Variants in SSBP2 observed in about 807,000 individuals in gnomAD.
The protein encoded by SSBP2 is single stranded DNA binding protein 2, also known as single-stranded DNA-binding protein 2.
A neutral mutation model predicts 61.8 loss-of-function variants in SSBP2; 17 were observed. That is an observed-to-expected ratio of 0.28 (90% CI 0.19 to 0.41). SSBP2 has a LOEUF of 0.41. SSBP2 is among the 10% of genes least tolerant of loss of function. The pLI, the probability that SSBP2 is intolerant of heterozygous loss-of-function variation, is 1.00. For missense variants in SSBP2, 310 were observed against 458.7 expected (o/e 0.68, Z 2.96); for synonymous variants, 139 against 141.3 (o/e 0.98, Z 0.12).
intron 1 of SSBP2, among the ~76,000 whole-genome samples, chr5:81,664,007 T>C (rs1750909067): frequency 1.3e-5 from 2 of 152,172 alleles, no homozygotes; most frequent in Non-Finnish European, 2.9e-5. Flanking sequence ...GACAGTAAAA[T>C]AACAGCTTCC....
At chr5:81,639,700 C>G (rs1748601353) in intron 2 of SSBP2, among the ~76,000 whole-genome samples, 1 of 151,474 alleles carries the variant, frequency 6.6e-6, no homozygotes, top group African/African-American at 2.4e-5. Flanking sequence ...GTAACAATAC[C>G]CCAATCAGTA....
intron 4 of SSBP2, among the ~76,000 whole-genome samples, chr5:81,524,956 G>A (rs1194315785): frequency 1.3e-5 from 2 of 151,456 alleles, no homozygotes; most frequent in African/African-American, 4.8e-5. Context: ...AGTTCCTATG[G>A]CAGGGAAAAT....
chr5:81,728,655 A>G (rs1756052892), intron 1 of SSBP2, among the ~76,000 whole-genome samples: 1 of 152,246 alleles, frequency 6.6e-6, no homozygotes, highest in Non-Finnish European at 1.5e-5. Flanking sequence ...AGCTGTCAAC[A>G]TCGAGAATGT....
At chr5:81,636,651 A>G in intron 2 of SSBP2, 33 bp from the exon 3 acceptor site, 6 of 1,507,316 alleles carry the variant, frequency 4.0e-6, no homozygotes, top group Non-Finnish European at 5.5e-6. Context: ...TACTTTCCTA[A>G]TAATACTTTT....
At chr5:81,652,477 G>A (rs1187277616) in intron 1 of SSBP2, among the ~76,000 whole-genome samples, 1 of 152,148 alleles carries the variant, frequency 6.6e-6, no homozygotes, top group Non-Finnish European at 1.5e-5. Flanking sequence ...AGATTCTGAA[G>A]TATCTTCTAA....
chr5:81,704,911 G>T (rs1213291428), intron 1 of SSBP2, among the ~76,000 whole-genome samples: 1 of 150,028 alleles, frequency 6.7e-6, no homozygotes, highest in African/African-American at 2.5e-5. Context: ...TATTTAACGT[G>T]TTAATCTATA....
At chr5:81,594,158 A>C (rs1034453186) in intron 4 of SSBP2, among the ~76,000 whole-genome samples, 2 of 152,226 alleles carry the variant, frequency 1.3e-5, no homozygotes, top group East Asian at 1.9e-4. Flanking sequence ...TCTACCAAGC[A>C]AATGGAAAAC....
chr5:81,704,272 A>C (rs1294350408), intron 1 of SSBP2, among the ~76,000 whole-genome samples: 1 of 152,150 alleles, frequency 6.6e-6, no homozygotes, highest in Non-Finnish European at 1.5e-5. Flanking sequence ...TAAAAACTCT[A>C]ATCTCACATA....
intron 5 of SSBP2, among the ~76,000 whole-genome samples, chr5:81,491,090 T>C (rs1441940123): frequency 6.6e-6 from 1 of 152,226 alleles, no homozygotes; most frequent in Non-Finnish European, 1.5e-5. Flanking sequence ...ATAAATCACC[T>C]AATTTCACCT....
intron 4 of SSBP2, among the ~76,000 whole-genome samples, chr5:81,593,339 T>C (rs968921018): frequency 6.6e-6 from 1 of 152,120 alleles, no homozygotes; most frequent in Non-Finnish European, 1.5e-5. Flanking sequence ...TATGGGACTA[T>C]GTGAAAAGAC....
intron 4 of SSBP2, among the ~76,000 whole-genome samples, chr5:81,591,901 G>C (rs1284698943): frequency 2.0e-5 from 3 of 152,232 alleles, no homozygotes; most frequent in Non-Finnish European, 4.4e-5. Context: ...ATAGCTCCCA[G>C]TGTGAGCGAC....
intron 1 of SSBP2, among the ~76,000 whole-genome samples, chr5:81,724,920 G>A (rs1454732062): frequency 6.6e-6 from 1 of 152,056 alleles, no homozygotes; most frequent in Non-Finnish European, 1.5e-5. Flanking sequence ...CTATTGAGTA[G>A]GCAAAATGGA....
chr5:81,434,645 A>AAAAAAAAAAAAAG (rs1762559133), intron 15 of SSBP2, among the ~76,000 whole-genome samples: 1 of 150,940 alleles, frequency 6.6e-6, no homozygotes, highest in Non-Finnish European at 1.5e-5. Context: ...AAAAAAAAAA[A>AAAAAAAAAAAAAG]AAAAAAAAAA....
intron 9 of SSBP2, among the ~76,000 whole-genome samples, chr5:81,464,788 T>C (rs1764780566): frequency 6.6e-6 from 1 of 152,146 alleles, no homozygotes; most frequent in African/African-American, 2.4e-5. Context: ...TGCCTTTTTC[T>C]TCCATTTTTA....
At chr5:81,601,444 CA>C (rs1744352051) in intron 4 of SSBP2, among the ~76,000 whole-genome samples, 1 of 152,006 alleles carries the variant, frequency 6.6e-6, no homozygotes, top group East Asian at 1.9e-4. Context: ...CACACAAGTA[CA>C]AGTAAAACTG....
At chr5:81,750,609 C>A in intron 1 of SSBP2, 1 of 222,262 alleles carries the variant, frequency 4.5e-6, no homozygotes, top group Non-Finnish European at 9.0e-6. Flanking sequence ...CCTCCCGCCA[C>A]CCCCGGCGGC....
intron 5 of SSBP2, among the ~76,000 whole-genome samples, chr5:81,499,562 A>G (rs1257037036): frequency 1.3e-5 from 2 of 152,202 alleles, no homozygotes; most frequent in Non-Finnish European, 2.9e-5. Context: ...ATTTATATTC[A>G]GAAAAATTCG....
intron 2 of SSBP2, among the ~76,000 whole-genome samples, chr5:81,639,643 G>T (rs1748595112): frequency 6.6e-6 from 1 of 151,764 alleles, no homozygotes; most frequent in Non-Finnish European, 1.5e-5. Flanking sequence ...AAAACTCTAT[G>T]CATAAGTATA....
intron 5 of SSBP2, among the ~76,000 whole-genome samples, chr5:81,501,962 T>C (rs907499259): frequency 6.6e-6 from 1 of 152,114 alleles, no homozygotes. Flanking sequence ...GGCTGTTTTT[T>C]CTCTGTTCCT....
Sources: allele counts gnomAD v4.1 joint callset (sites outside exome capture counted in the v4.1 genomes callset), GRCh38; gene constraint gnomAD v4.1.1; transcripts MANE v1.5; gene names NCBI Gene and HGNC (gene_info 2026-07-23, HGNC 2026-07-21).